CALN1: variants seen among roughly 807,000 people sequenced by gnomAD.
The protein encoded by CALN1 is calcium-binding protein 8.
In CALN1, 17 loss-of-function variants were observed where a neutral mutation model predicts 30.6. That is an observed-to-expected ratio of 0.56 (90% CI 0.38 to 0.83). The LOEUF is 0.83. Among genes scored for constraint, CALN1 ranks in the 40% least tolerant of loss-of-function variants. CALN1 has a pLI of 0.00. For missense variants in CALN1, 291 were observed against 354.9 expected (o/e 0.82, Z 1.45); for synonymous variants, 156 against 131.4 (o/e 1.19, Z -1.28).
At chr7:72,366,500 C>A (rs11975992) in intron 2 of CALN1, among the ~76,000 whole-genome samples, 5,174 of 150,504 alleles carry the variant, frequency 0.034, 278 homozygotes, top group African/African-American at 0.12. Flanking sequence ...CCAAAAATTT[C>A]AATAGCTGTT....
intron 3 of CALN1, among the ~76,000 whole-genome samples, chr7:72,181,080 A>G (rs1295000456): frequency 7.4e-6 from 1 of 135,606 alleles, no homozygotes; most frequent in Non-Finnish European, 1.5e-5. Context: ...CCTGGGCAAC[A>G]GAGCGAAACT....
intron 5 of CALN1, among the ~76,000 whole-genome samples, chr7:72,007,447 T>C (rs1799835908): frequency 6.6e-6 from 1 of 152,090 alleles, no homozygotes; most frequent in Non-Finnish European, 1.5e-5. Context: ...CTTGGGAGGC[T>C]GAAGCAGGAG....
intron 3 of CALN1, among the ~76,000 whole-genome samples, chr7:72,121,660 G>C (rs919579128): frequency 6.7e-6 from 1 of 148,296 alleles, no homozygotes; most frequent in Admixed American, 6.8e-5. Flanking sequence ...TTACATTTCT[G>C]GGTAGACAGA....
intron 3 of CALN1, among the ~76,000 whole-genome samples, chr7:72,163,412 A>T (rs1210532830): frequency 6.7e-6 from 1 of 149,196 alleles, no homozygotes; most frequent in African/African-American, 2.5e-5. Context: ...AAAAAAAAAC[A>T]GAAAAACATG....
At chr7:72,168,102 A>G (rs189221872) in intron 3 of CALN1, among the ~76,000 whole-genome samples, 50 of 152,360 alleles carry the variant, frequency 3.3e-4, no homozygotes, top group African/African-American at 1.1e-3. Flanking sequence ...TAACTGACTC[A>G]GGGATACAGT....
intron 3 of CALN1, among the ~76,000 whole-genome samples, chr7:72,179,972 T>C (rs1471134007): frequency 6.6e-6 from 1 of 152,152 alleles, no homozygotes; most frequent in Admixed American, 6.5e-5. Context: ...CCTAATTGTC[T>C]CACAAAGGTC....
chr7:71,895,513 GGTAGAAGCACCTCTCAT>G (rs1474186470), intron 5 of CALN1, among the ~76,000 whole-genome samples: 1 of 152,080 alleles, frequency 6.6e-6, no homozygotes, highest in Non-Finnish European at 1.5e-5. Flanking sequence ...TTCTGCTTTT[GGTAGAAGCACCTCTCAT>G]GTATCACCTT....
intron 3 of CALN1, among the ~76,000 whole-genome samples, chr7:72,196,407 C>A (rs1240664374): frequency 6.6e-6 from 1 of 152,228 alleles, no homozygotes; most frequent in East Asian, 1.9e-4. Context: ...GCATGAGCCA[C>A]CGCTCCTGGC....
upstream of CALN1, among the ~76,000 whole-genome samples, chr7:72,447,975 C>T (rs1369055574): frequency 6.7e-6 from 1 of 149,468 alleles, no homozygotes; most frequent in South Asian, 2.2e-4. Context: ...CATGCCTGCC[C>T]ATGCACACAC....
At chr7:71,943,795 A>G (rs1337060233) in intron 5 of CALN1, among the ~76,000 whole-genome samples, 1 of 152,184 alleles carries the variant, frequency 6.6e-6, no homozygotes, top group African/African-American at 2.4e-5. Context: ...GAATGTGTAT[A>G]AAAGTGCTTG....
chr7:71,942,095 G>A (rs1200898760), intron 5 of CALN1, among the ~76,000 whole-genome samples: 1 of 152,122 alleles, frequency 6.6e-6, no homozygotes. Context: ...GCTACTCGGA[G>A]GCTGAGGCAG....
At chr7:72,363,420 G>GTA (rs1156444004) in intron 2 of CALN1, among the ~76,000 whole-genome samples, 4 of 151,968 alleles carry the variant, frequency 2.6e-5, no homozygotes, top group Non-Finnish European at 5.9e-5. Context: ...TGTATTTTTA[G>GTA]TAGAGAAGGG....
intron 4 of CALN1, among the ~76,000 whole-genome samples, chr7:72,104,772 C>T (rs1201733472): frequency 6.6e-6 from 1 of 152,106 alleles, no homozygotes; most frequent in East Asian, 1.9e-4. Flanking sequence ...TCCTGGCCAA[C>T]ATGGCGAAAC....
At chr7:71,819,981 AC>A (rs1469317951) in intron 5 of CALN1, among the ~76,000 whole-genome samples, 3 of 152,178 alleles carry the variant, frequency 2.0e-5, no homozygotes, top group African/African-American at 7.2e-5. Flanking sequence ...GAAGAATTGA[AC>A]ATGACTCATT....
chr7:72,232,466 T>A (rs969498343), intron 3 of CALN1, among the ~76,000 whole-genome samples: 2 of 152,190 alleles, frequency 1.3e-5, no homozygotes, highest in Non-Finnish European at 2.9e-5. Context: ...AATTTTTTTT[T>A]AATTTATTTT....
chr7:72,304,845 T>C (rs1799540301), intron 2 of CALN1, among the ~76,000 whole-genome samples: 2 of 152,154 alleles, frequency 1.3e-5, no homozygotes, highest in South Asian at 4.1e-4. Context: ...CTTACTGTTG[T>C]TGTATATTTA....
intron 5 of CALN1, among the ~76,000 whole-genome samples, chr7:71,902,919 C>CA (rs1793938056): frequency 6.6e-6 from 1 of 151,852 alleles, no homozygotes; most frequent in Non-Finnish European, 1.5e-5. Flanking sequence ...AAGAGCTAAA[C>CA]AGTGTATACA....
chr7:72,013,283 T>G (rs963396382), intron 5 of CALN1, among the ~76,000 whole-genome samples: 1 of 133,712 alleles, frequency 7.5e-6, no homozygotes, highest in African/African-American at 3.0e-5. Context: ...AGACAGGATC[T>G]GGCTGTCACC....
chr7:72,252,772 CTTATT>C, intron 3 of CALN1, among the ~76,000 whole-genome samples: 1 of 152,088 alleles, frequency 6.6e-6, no homozygotes, highest in Non-Finnish European at 1.5e-5. Context: ...CCTGTTCCTG[CTTATT>C]TTATTTTCTG....
Sources: allele counts gnomAD v4.1 joint callset (sites outside exome capture counted in the v4.1 genomes callset), GRCh38; gene constraint gnomAD v4.1.1; transcripts MANE v1.5; gene names NCBI Gene and HGNC (gene_info 2026-07-23, HGNC 2026-07-21).